Variants in UGT1A8 observed in about 807,000 individuals in gnomAD.
UGT1A8 encodes UDP glucuronosyltransferase family 1 member A8.
A neutral mutation model predicts 45.3 loss-of-function variants in UGT1A8; 39 were observed. That is an observed-to-expected ratio of 0.86 (90% CI 0.67 to 1.12). The LOEUF (loss-of-function observed/expected upper bound fraction) is 1.12. UGT1A8 is among the 50% of genes most tolerant of loss of function. The pLI is 0.00. For missense variants in UGT1A8, 719 were observed against 664.9 expected (o/e 1.08, Z -0.90); for synonymous variants, 275 against 249.2 (o/e 1.10, Z -0.97).
At chr2:233,760,686 C>T in intron 1 of UGT1A8, 1 of 1,614,220 alleles carries the variant, frequency 6.2e-7, no homozygotes, top group African/African-American at 1.3e-5. Flanking sequence ...TACTGCACAA[C>T]AAGGAGCTCA....
chr2:233,755,221 C>G, intron 1 of UGT1A8: 1 of 995,834 alleles, frequency 1.0e-6, no homozygotes. Flanking sequence ...TTGATACCCT[C>G]GGACGAGGCC....
At chr2:233,657,202 G>A (rs2073874745) in intron 1 of UGT1A8, among the ~76,000 whole-genome samples, 1 of 152,146 alleles carries the variant, frequency 6.6e-6, no homozygotes, top group Non-Finnish European at 1.5e-5. Flanking sequence ...ACCTTTCCTG[G>A]CTCATGGGCT....
chr2:233,692,438 A>G (rs1311287239), intron 1 of UGT1A8: 1 of 155,598 alleles, frequency 6.4e-6, no homozygotes, highest in Non-Finnish European at 1.4e-5. Flanking sequence ...AGTTGTGGGT[A>G]ACCTGGGGAC....
intron 1 of UGT1A8, among the ~76,000 whole-genome samples, chr2:233,647,669 A>G (rs903844697): frequency 1.3e-5 from 2 of 152,182 alleles, no homozygotes; most frequent in African/African-American, 2.4e-5. Context: ...TGTAGATTTT[A>G]TTGGCATGAA....
At chr2:233,693,286 T>C in intron 1 of UGT1A8, 1 of 1,614,182 alleles carries the variant, frequency 6.2e-7, no homozygotes, top group Non-Finnish European at 8.5e-7. Flanking sequence ...ACCAATCATT[T>C]GGAAACAATC....
At chr2:233,706,059 C>CA (rs1405552765) in intron 1 of UGT1A8, among the ~76,000 whole-genome samples, 1 of 152,160 alleles carries the variant, frequency 6.6e-6, no homozygotes, top group Admixed American at 6.5e-5. Flanking sequence ...CACGCCACTG[C>CA]ATGCCAGCCT....
rs2076750903 is a variant in UGT1A8, at chr2:233,719,310, T to G, written c.856-47724T>G. On this transcript the variant is annotated intron_variant, in intron 1 of 4. Transcript: ENST00000373450. The stretch of plus-strand genomic sequence containing the variant: ...CCTCTGTGGGGCGGTGCTGGCTAAG[T>G]ACCTGTCGATTCCTGCTGTGTTTTT... 5 of 1,613,982 alleles carry G rather than the reference T, an allele frequency of 3.1e-6. No homozygotes were observed. In the East Asian group the frequency reaches 1.1e-4, roughly 36 times the overall value.
At position 233,773,283 on chromosome 2, in the gene UGT1A8, A is replaced by G. The variant is rs1700573632; in HGVS notation, c.*724A>G. 6.6e-6 allele frequency: 1 copy of G among 152,180 alleles called. No homozygotes were observed. The highest frequency in any genetic ancestry group is 1.5e-5 in the Non-Finnish European group (1 of 68,034). 9.4% of individuals were successfully genotyped at this position (152,180 alleles called of 1,614,324 possible). Reference sequence around the variant, plus strand: ...TTCCTACAACTAAAAATAAATTAATAAATTTATATAAATTCTATTTAAGTG... The same window carrying G: ...TTCCTACAACTAAAAATAAATTAATGAATTTATATAAATTCTATTTAAGTG... On this transcript the variant is annotated 3_prime_UTR_variant, in exon 5 of 5. Coordinates refer to ENST00000373450, the MANE Select transcript of UGT1A8 (RefSeq NM_019076.5).
chr2:233,682,788 C>T (rs757573093), intron 1 of UGT1A8: 1 of 1,611,896 alleles, frequency 6.2e-7, no homozygotes, highest in African/African-American at 1.3e-5. Context: ...AAGCCAGTGC[C>T]TATGGTAAGT....
chr2:233,751,619 A>G (rs765633655), intron 1 of UGT1A8, among the ~76,000 whole-genome samples: 10 of 152,142 alleles, frequency 6.6e-5, no homozygotes, highest in Non-Finnish European at 1.3e-4. Flanking sequence ...AGGTGATTGG[A>G]TCATGTGTGC....
intron 1 of UGT1A8, among the ~76,000 whole-genome samples, chr2:233,655,580 T>C (rs546880666): frequency 1.3e-5 from 2 of 152,074 alleles, no homozygotes; most frequent in Non-Finnish European, 2.9e-5. Flanking sequence ...CTAGAAAAAC[T>C]GTTAGAAAGA....
At position 233,643,075 on chromosome 2, in the gene UGT1A8, C is replaced by T. The variant is rs150244192; in HGVS notation, c.855+24513C>T. Among the ~76,000 whole-genome samples, 707 of 152,336 alleles carry T rather than the reference C, an allele frequency of 4.6e-3. 3 individuals carry two copies. The highest frequency in any genetic ancestry group is 7.0e-3 in the Non-Finnish European group (479 of 68,032). On this transcript the variant is annotated intron_variant, in intron 1 of 4. Transcript: ENST00000373450. ...CTGGCTACTGCCTATGTTTGCTCAA[C>T]GCCCTTGGGCTTTACAATCAGCAGG...
intron 1 of UGT1A8, among the ~76,000 whole-genome samples, chr2:233,622,844 G>A (rs949660583): frequency 2.0e-5 from 3 of 152,110 alleles, no homozygotes; most frequent in Non-Finnish European, 2.9e-5. Context: ...TTCTTCTAGG[G>A]TTTTTATGGT....
intron 1 of UGT1A8, among the ~76,000 whole-genome samples, chr2:233,728,414 C>A (rs186918599): frequency 1.4e-4 from 22 of 152,310 alleles, no homozygotes; most frequent in African/African-American, 4.8e-4. Flanking sequence ...CTTTAGATAG[C>A]AGCACCTCTT....
chr2:233,648,727 G>T, intron 1 of UGT1A8: 2 of 498,964 alleles, frequency 4.0e-6, no homozygotes, highest in Middle Eastern at 3.5e-4. Flanking sequence ...GCCTCCCAAA[G>T]TGCTGGAATT....
intron 1 of UGT1A8, among the ~76,000 whole-genome samples, chr2:233,714,659 C>A (rs2076403929): frequency 6.6e-6 from 1 of 152,156 alleles, no homozygotes; most frequent in Admixed American, 6.5e-5. Flanking sequence ...TTTTATTTAA[C>A]CAGATGTATC....
chr2:233,682,686 T>G (rs911094118), intron 1 of UGT1A8: 2 of 1,613,872 alleles, frequency 1.2e-6, no homozygotes, highest in Non-Finnish European at 1.7e-6. Flanking sequence ...CACACATCAA[T>G]TTGGTTGTTG....
chr2:233,676,151 A>G (rs1249377468), intron 1 of UGT1A8, among the ~76,000 whole-genome samples: 1 of 152,050 alleles, frequency 6.6e-6, no homozygotes, highest in African/African-American at 2.4e-5. Flanking sequence ...CCAGCGTCAG[A>G]CTCCAAAACC....
At chr2:233,719,447 A>G (rs2076767544) in intron 1 of UGT1A8, 2 of 1,613,934 alleles carry the variant, frequency 1.2e-6, no homozygotes, top group South Asian at 1.1e-5. Context: ...CATTCCTGCA[A>G]AGGGTCAAGA....
Sources: allele counts gnomAD v4.1 joint callset (sites outside exome capture counted in the v4.1 genomes callset), GRCh38; gene constraint gnomAD v4.1.1; transcripts MANE v1.5; gene names NCBI Gene and HGNC (gene_info 2026-07-23, HGNC 2026-07-21).